The following F2R variants were observed in gnomAD, a reference collection of about 807,000 sequenced individuals.
The protein encoded by F2R is proteinase-activated receptor 1.
Under a neutral mutation model 18.3 loss-of-function variants are expected in F2R, and 12 were observed. That is an observed-to-expected ratio of 0.66 (90% confidence interval 0.42 to 1.06). F2R has a LOEUF of 1.06. F2R is among the 50% of genes least tolerant of loss of function. The probability of loss-of-function intolerance (pLI) is 0.00; values close to 1 mark genes in which losing one functional copy is unlikely to be tolerated. For missense variants in F2R, 438 were observed against 530.8 expected, an observed-to-expected ratio of 0.83 and a Z score of 1.72; for synonymous variants, 210 against 219.9, an observed-to-expected ratio of 0.95 and a Z score of 0.40.
intron 1 of F2R, among the ~76,000 whole-genome samples, chr5:76,722,522 T>C (rs915543755): frequency 3.9e-5 from 6 of 152,246 alleles, no homozygotes; most frequent in Admixed American, 6.5e-5. Flanking sequence ...TTTACTTTCC[T>C]GCAACTTCCC....
Position 76,732,930 on chromosome 5 carries a change from GCCTCTGCTCCTCA to G in F2R, c.706_718del (p.Pro236ArgfsTer44). On this transcript the variant is annotated frameshift_variant, in exon 2 of 2. Coordinates refer to ENST00000319211, the MANE Select transcript of F2R (RefSeq NM_001992.5). LOFTEE classifies it high-confidence loss of function. ...GGGCTTTGGCCATCGCAGGGGTAGT[GCCTCTGCTCCTCA>G]AGGAGCAAACCATCCAGGTGCCCGG... 1 of 1,614,166 alleles carries G rather than the reference GCCTCTGCTCCTCA, an allele frequency of 6.2e-7. No individual in the cohort carries two copies. The highest frequency in any genetic ancestry group is 2.2e-5 in the East Asian group (1 of 44,882).
Position 76,732,742 on chromosome 5 carries a change from G to T in F2R, c.517G>T (p.Glu173Ter). The T allele has an allele frequency of 6.2e-7, 1 of 1,614,212 alleles. No individual in the cohort carries two copies. The highest frequency in any genetic ancestry group is 8.5e-7 in the Non-Finnish European group (1 of 1,180,056). ...CGGCAGTGATTGGCAGTTTGGGTCT[G>T]AATTGTGTCGCTTCGTCACTGCAGC... ...FSGSDWQFGS[E>*]LCRFVTAAFY... The change falls in exon 2 of 2, where the codon GAA (glutamate) becomes TAA (stop). Residue 173 changes from glutamate to a stop codon, truncating the protein, a stop_gained. Transcript: ENST00000319211. LOFTEE classifies it high-confidence loss of function.
rs567473291 is a variant in F2R at position 76,724,305 on chromosome 5, A to T, written c.88+7910A>T. 3.9e-5 allele frequency among the ~76,000 whole-genome samples: 6 copies of T among 152,328 alleles called. No homozygotes were observed. The East Asian group carries it at 1.2e-3, about 29-fold the overall frequency. On this transcript the variant is annotated intron_variant, in intron 1 of 1. Transcript: ENST00000319211. ...AGGCTGGTCTGGAACTCCTGGGTTC[A>T]ATCAGTCCTCCTGCCTCGGCTTCCC...
Position 76,732,351 on chromosome 5 carries a change from A to T in F2R, c.126A>T (p.Ser42=), listed in dbSNP as rs755043821. ...KATNATLDPR[S]FLLRNPNDKY... Reference sequence around the variant, plus strand: ...CAAATGCCACCTTAGATCCCCGGTCATTTCTTCTCAGGAACCCCAATGATA... The same window carrying T: ...CAAATGCCACCTTAGATCCCCGGTCTTTTCTTCTCAGGAACCCCAATGATA... Residue 42 remains serine, a synonymous_variant, in exon 2 of 2, where the codon TCA becomes TCT. Coordinates refer to ENST00000319211, the MANE Select transcript of F2R (RefSeq NM_001992.5). 2 of 1,610,900 alleles carry T rather than the reference A, an allele frequency of 1.2e-6. No homozygotes were observed. Among genetic ancestry groups the T allele is most frequent in the African/African-American group, 2.7e-5 (2 of 74,786 alleles).
intron 1 of F2R, among the ~76,000 whole-genome samples, chr5:76,725,645 C>A (rs1181010989): frequency 6.6e-6 from 1 of 150,796 alleles, no homozygotes; most frequent in Non-Finnish European, 1.5e-5. Context: ...TTTTTTTTTC[C>A]GACATTCTTT....
intron 1 of F2R, among the ~76,000 whole-genome samples, chr5:76,731,808 G>A (rs551589359): frequency 6.6e-5 from 10 of 152,226 alleles, no homozygotes; most frequent in South Asian, 4.2e-4. Context: ...GATTACAGAC[G>A]TGACCCACTG....
At chr5:76,718,825 G>A (rs1459755058) in intron 1 of F2R, among the ~76,000 whole-genome samples, 2 of 152,230 alleles carry the variant, frequency 1.3e-5, no homozygotes, top group Non-Finnish European at 2.9e-5. Context: ...GAGGGTTAAA[G>A]TGTTCAAGAA....
At position 76,733,914 on chromosome 5, in the gene F2R, T is replaced by C. The variant is rs569723649; in HGVS notation, c.*411T>C. On this transcript the variant is annotated 3_prime_UTR_variant, in exon 2 of 2. Transcript: ENST00000319211. ...TAATCTCTGATTCCCTGATTTAATA[T>C]GCAAAGTCTAGGTTGGTAGAGTTTA... 25 of 171,692 alleles carry C rather than the reference T, an allele frequency of 1.5e-4. No homozygotes were observed. The highest frequency in any genetic ancestry group is 3.0e-3 in the Middle Eastern group (1 of 330). The allele number at this position is 171,692 out of a possible 1,614,324, so 10.6% of individuals were successfully genotyped here. A position where few individuals can be genotyped will look rare whatever the true frequency, so the allele number is the denominator to read the frequency against.
chr5:76,728,681 T>C (rs1429349454), intron 1 of F2R, among the ~76,000 whole-genome samples: 1 of 140,732 alleles, frequency 7.1e-6, no homozygotes, highest in Admixed American at 7.3e-5. Context: ...ATTGACATCC[T>C]GGTCTTTTTT....
intron 1 of F2R, among the ~76,000 whole-genome samples, chr5:76,726,127 T>C (rs917863635): frequency 2.0e-5 from 3 of 152,228 alleles, no homozygotes; most frequent in African/African-American, 7.2e-5. Context: ...CAGTGGCTTA[T>C]GCCTGTAATC....
chr5:76,724,422 A>G (rs570045807), intron 1 of F2R, among the ~76,000 whole-genome samples: 5 of 152,044 alleles, frequency 3.3e-5, no homozygotes, highest in Admixed American at 3.3e-4. Flanking sequence ...TATTTACCTT[A>G]TTGTCTCATA....
At chr5:76,723,123 T>A (rs1164139270) in intron 1 of F2R, among the ~76,000 whole-genome samples, 2 of 152,192 alleles carry the variant, frequency 1.3e-5, no homozygotes, top group East Asian at 3.8e-4. Context: ...AGGACCAAGT[T>A]GTTGGCATGT....
Position 76,716,357 on chromosome 5 carries a change from G to A in F2R, c.50G>A (p.Gly17Asp), listed in dbSNP as rs1483871388. ...LLVAACFSLC[G>D]PLLSARTRAR... Reference sequence around the variant, plus strand: ...GTGGCCGCCTGCTTCAGTCTGTGCGGCCCGCTGTTGTCTGCCCGCACCCGG... The same window carrying A: ...GTGGCCGCCTGCTTCAGTCTGTGCGACCCGCTGTTGTCTGCCCGCACCCGG... The change falls in exon 1 of 2, where the codon GGC (glycine) becomes GAC (aspartate). Residue 17 changes from glycine to aspartate, a missense_variant. Coordinates refer to ENST00000319211, the MANE Select transcript of F2R (RefSeq NM_001992.5). 4 of 1,464,278 alleles carry A rather than the reference G, an allele frequency of 2.7e-6. No individual in the cohort carries two copies. Among genetic ancestry groups the A allele is most frequent in the Non-Finnish European group, 3.6e-6 (4 of 1,110,304 alleles). 90.7% of individuals were successfully genotyped at this position (1,464,278 alleles called of 1,614,324 possible).
At chr5:76,724,924 T>C (rs749299478) in intron 1 of F2R, among the ~76,000 whole-genome samples, 8 of 152,250 alleles carry the variant, frequency 5.3e-5, no homozygotes, top group Non-Finnish European at 1.0e-4. Flanking sequence ...CCAGTAATGC[T>C]GGTGTTTTCC....
In F2R at chr5:76,734,251, T is replaced by G. The variant is rs1194675740; in HGVS notation, c.*748T>G. On this transcript the variant is annotated 3_prime_UTR_variant, in exon 2 of 2. Transcript: ENST00000319211. Reference sequence around the variant, plus strand: ...GTCCTCTAGTGAATGTAGGCTGGCTTTCAGAGTAGGCTATTCCTGAGAGCT... The same window carrying G: ...GTCCTCTAGTGAATGTAGGCTGGCTGTCAGAGTAGGCTATTCCTGAGAGCT... 1 of 152,332 alleles carries G rather than the reference T, an allele frequency of 6.6e-6. No homozygotes were observed. The highest frequency in any genetic ancestry group is 1.5e-5 in the Non-Finnish European group (1 of 68,060). 9.4% of individuals were successfully genotyped at this position (152,332 alleles called of 1,614,324 possible).
At chr5:76,716,868 A>G (rs1748356217) in intron 1 of F2R, 2 of 513,274 alleles carry the variant, frequency 3.9e-6, no homozygotes, top group Non-Finnish European at 6.8e-6. Flanking sequence ...AAAGTGATGT[A>G]GAGAAAAGCC....
Position 76,733,007 on chromosome 5 carries a change from C to A in F2R, c.782C>A (p.Thr261Asn). 6.2e-7 allele frequency: 1 copy of A among 1,614,180 alleles called. No homozygotes were observed. The highest frequency in any genetic ancestry group is 1.1e-5 in the South Asian group (1 of 91,082). The change falls in exon 2 of 2, where the codon ACC becomes AAC. Residue 261 changes from threonine (T) to asparagine (N), a missense_variant. Coordinates refer to ENST00000319211, the MANE Select transcript of F2R (RefSeq NM_001992.5). The part of the protein sequence containing the change: ...ITTCHDVLNE[T>N]LLEGYYAYYF... ...ACCTGTCATGATGTGCTCAATGAAACCCTGCTCGAAGGCTACTATGCCTAC... is the reference window on the plus strand; with the variant it reads ...ACCTGTCATGATGTGCTCAATGAAAACCTGCTCGAAGGCTACTATGCCTAC...
At chr5:76,717,377 A>C (rs1425298657) in intron 1 of F2R, among the ~76,000 whole-genome samples, 1 of 152,218 alleles carries the variant, frequency 6.6e-6, no homozygotes, top group South Asian at 2.1e-4. Context: ...ATAAGCTTTG[A>C]GCCATTTTTT....
In F2R at chr5:76,733,206, AC is replaced by A; in HGVS notation, c.984del (p.Thr329GlnfsTer5). 1.2e-6 allele frequency: 2 copies of A among 1,614,024 alleles called. No individual in the cohort carries two copies. Among genetic ancestry groups the A allele is most frequent in the South Asian group, 2.2e-5 (2 of 91,080 alleles). On this transcript the variant is annotated frameshift_variant, in exon 2 of 2. Transcript: ENST00000319211. LOFTEE classifies it high-confidence loss of function. ...VFCIFIICFG[P>X]TNVLLIAHYS... Reference sequence around the variant, plus strand: ...TCTGCATCTTCATCATTTGCTTCGGACCCACAAACGTCCTCCTGATTGCGCA... The same window carrying A: ...TCTGCATCTTCATCATTTGCTTCGGACCACAAACGTCCTCCTGATTGCGCA...
Sources: allele counts gnomAD v4.1 joint callset (sites outside exome capture counted in the v4.1 genomes callset), GRCh38; gene constraint gnomAD v4.1.1; transcripts MANE v1.5; gene names NCBI Gene and HGNC (gene_info 2026-07-23, HGNC 2026-07-21).